SPIDR: variants seen among roughly 807,000 people sequenced by gnomAD.
SPIDR encodes DNA repair-scaffolding protein.
A neutral mutation model predicts 104.6 loss-of-function variants in SPIDR; 93 were observed. The ratio of observed to expected loss-of-function variants is 0.89; its 90% CI spans 0.75 to 1.06. SPIDR has a LOEUF of 1.06. Among genes scored for constraint, SPIDR ranks in the 50% least tolerant of loss-of-function variants. SPIDR has a pLI of 0.00. For missense variants in SPIDR, 1,154 were observed against 1,111.2 expected (o/e 1.04, Z -0.55); for synonymous variants, 431 against 416.9 (o/e 1.03, Z -0.41).
chr8:47,701,206 G>A (rs1460759151), intron 12 of SPIDR, among the ~76,000 whole-genome samples: 1 of 152,234 alleles, frequency 6.6e-6, no homozygotes, highest in Non-Finnish European at 1.5e-5. Context: ...GCCGAGGCAG[G>A]CAGATCACCT....
intron 5 of SPIDR, among the ~76,000 whole-genome samples, chr8:47,367,782 T>G (rs2057415396): frequency 6.6e-6 from 1 of 152,188 alleles, no homozygotes; most frequent in East Asian, 1.9e-4. Flanking sequence ...TAGCAGATAC[T>G]TGGTTTTCAG....
chr8:47,382,865 C>G (rs569563479), intron 5 of SPIDR, among the ~76,000 whole-genome samples: 3 of 152,320 alleles, frequency 2.0e-5, no homozygotes, highest in African/African-American at 7.2e-5. Flanking sequence ...CCATTGCATA[C>G]ATTACCAAAA....
rs553588276 is a variant in SPIDR, at chr8:47,504,948, A to T, written c.1097+64406A>T. On this transcript the variant is annotated intron_variant, in intron 8 of 19. Transcript: ENST00000297423. ...AGCAGCAGACGCTGCAGAGTGGCTGATATTGGTGAACAGCAAATGTTGCTG... is the reference window on the plus strand; with the variant it reads ...AGCAGCAGACGCTGCAGAGTGGCTGTTATTGGTGAACAGCAAATGTTGCTG... 9.9e-5 allele frequency among the ~76,000 whole-genome samples: 15 copies of T among 152,230 alleles called. No homozygotes were observed. In the East Asian group the frequency reaches 2.9e-3, roughly 29 times the overall value.
At chr8:47,289,274 A>C (rs2039462108) in intron 3 of SPIDR, among the ~76,000 whole-genome samples, 1 of 152,052 alleles carries the variant, frequency 6.6e-6, no homozygotes, top group Non-Finnish European at 1.5e-5. Flanking sequence ...GGGTTCTGTA[A>C]ATATGTATCT....
chr8:47,313,281 A>G (rs1483023586), intron 5 of SPIDR, among the ~76,000 whole-genome samples: 1 of 152,196 alleles, frequency 6.6e-6, no homozygotes, highest in Non-Finnish European at 1.5e-5. Context: ...ACAAACAGAG[A>G]GCCAAATCAT....
At chr8:47,364,896 A>C (rs1452953285) in intron 5 of SPIDR, among the ~76,000 whole-genome samples, 1 of 152,162 alleles carries the variant, frequency 6.6e-6, no homozygotes, top group Non-Finnish European at 1.5e-5. Context: ...TAGCAGATGG[A>C]TGGGCCTTTA....
At chr8:47,319,333 C>CA (rs2046048865) in intron 5 of SPIDR, among the ~76,000 whole-genome samples, 1 of 152,046 alleles carries the variant, frequency 6.6e-6, no homozygotes, top group African/African-American at 2.4e-5. Flanking sequence ...CAACAAAGAT[C>CA]AAAAGAGACA....
intron 14 of SPIDR, among the ~76,000 whole-genome samples, chr8:47,709,100 G>A (rs1046178795): frequency 1.3e-5 from 2 of 151,848 alleles, no homozygotes; most frequent in Non-Finnish European, 2.9e-5. Flanking sequence ...AGCCTCTCGA[G>A]TAGCTGGGAT....
At chr8:47,508,944 A>G (rs1388284310) in intron 8 of SPIDR, among the ~76,000 whole-genome samples, 2 of 151,688 alleles carry the variant, frequency 1.3e-5, no homozygotes, top group East Asian at 3.9e-4. Flanking sequence ...TCCATTTTAT[A>G]TATATATATG....
intron 16 of SPIDR, among the ~76,000 whole-genome samples, chr8:47,715,466 C>T (rs771373277): frequency 1.9e-4 from 29 of 152,090 alleles, no homozygotes; most frequent in Non-Finnish European, 3.5e-4. Context: ...TGTGAGCCAC[C>T]GCCCCCAGCC....
intron 8 of SPIDR, among the ~76,000 whole-genome samples, chr8:47,506,039 T>A (rs1325446018): frequency 6.6e-6 from 1 of 152,254 alleles, no homozygotes; most frequent in African/African-American, 2.4e-5. Flanking sequence ...CTTCTGTAGA[T>A]GTTTCTATAC....
chr8:47,455,155 G>A (rs1176285496), intron 8 of SPIDR, among the ~76,000 whole-genome samples: 1 of 152,060 alleles, frequency 6.6e-6, no homozygotes, highest in Non-Finnish European at 1.5e-5. Flanking sequence ...TTATGGGCAA[G>A]TGCATTTAAT....
intron 8 of SPIDR, among the ~76,000 whole-genome samples, chr8:47,579,956 G>A (rs2059544399): frequency 6.6e-6 from 1 of 152,234 alleles, no homozygotes; most frequent in Non-Finnish European, 1.5e-5. Flanking sequence ...CAGTTGGTTT[G>A]TATTACAGCC....
chr8:47,685,072 C>A (rs2077580076), intron 11 of SPIDR, among the ~76,000 whole-genome samples: 1 of 152,046 alleles, frequency 6.6e-6, no homozygotes, highest in Non-Finnish European at 1.5e-5. Flanking sequence ...TATAGCCGGG[C>A]GTGGTGGCAG....
rs1359579750 is a variant in SPIDR, at chr8:47,268,654, C to T, written c.33+7663C>T. On this transcript the variant is annotated intron_variant, in intron 1 of 19. Transcript: ENST00000297423. ...TAATTTTTTGGTAGAGATGGAGTCT[C>T]GCTGTGTTGCCCAGGCTGGTCTCAA... 2.6e-5 allele frequency among the ~76,000 whole-genome samples: 4 copies of T among 152,230 alleles called. No homozygotes were observed. In the East Asian group the frequency reaches 5.8e-4, roughly 22 times the overall value.
chr8:47,513,023 T>C (rs1027867446), intron 8 of SPIDR, among the ~76,000 whole-genome samples: 1 of 152,226 alleles, frequency 6.6e-6, no homozygotes, highest in Non-Finnish European at 1.5e-5. Context: ...CTCTAGTTAA[T>C]CTACAGGCTG....
At chr8:47,318,356 G>T (rs1162471445) in intron 5 of SPIDR, among the ~76,000 whole-genome samples, 36 of 151,798 alleles carry the variant, frequency 2.4e-4, no homozygotes, top group African/African-American at 8.0e-4. Flanking sequence ...GATGGAAGAT[G>T]AAATGAATGA....
At chr8:47,696,348 A>T (rs2079333888) in intron 11 of SPIDR, among the ~76,000 whole-genome samples, 1 of 152,204 alleles carries the variant, frequency 6.6e-6, no homozygotes, top group Non-Finnish European at 1.5e-5. Context: ...TTTCATTCTA[A>T]GAAGTTAACT....
At chr8:47,285,729 G>T (rs2038713940) in intron 3 of SPIDR, among the ~76,000 whole-genome samples, 2 of 152,070 alleles carry the variant, frequency 1.3e-5, no homozygotes, top group Non-Finnish European at 2.9e-5. Flanking sequence ...CCACCCTAAT[G>T]ACCTTATTTG....
Sources: gnomAD v4.1 joint callset for allele counts (sites outside exome capture counted in the v4.1 genomes callset) on GRCh38, gnomAD v4.1.1 for gene constraint, MANE v1.5 for transcripts, NCBI Gene and HGNC (gene_info 2026-07-23, HGNC 2026-07-21) for gene names.